The following ST6GALNAC3 variants were observed in gnomAD, a reference collection of about 807,000 sequenced individuals.
ST6GALNAC3 encodes the protein ST6 N-acetylgalactosaminide alpha-2,6-sialyltransferase 3.
ST6GALNAC3 carries 25 observed loss-of-function variants against 32.7 expected under a neutral mutation model. The ratio of observed to expected loss-of-function variants is 0.76; its 90% CI spans 0.56 to 1.07. ST6GALNAC3 has a LOEUF of 1.07. Ranked by LOEUF, ST6GALNAC3 falls within the 50% of genes least tolerant of loss-of-function variation. The pLI, the probability that ST6GALNAC3 is intolerant of heterozygous loss-of-function variation, is 0.00. For missense variants in ST6GALNAC3, 355 were observed against 382.4 expected (o/e 0.93, Z 0.60); for synonymous variants, 129 against 133.1 (o/e 0.97, Z 0.21).
At chr1:76,338,404 A>G (rs1289808127) in intron 2 of ST6GALNAC3, among the ~76,000 whole-genome samples, 1 of 152,206 alleles carries the variant, frequency 6.6e-6, no homozygotes, top group Non-Finnish European at 1.5e-5. Context: ...TAAATGACGA[A>G]CACATAAATG....
At chr1:76,403,043 C>A (rs1325297) in intron 2 of ST6GALNAC3, among the ~76,000 whole-genome samples, 3,921 of 150,964 alleles carry the variant, frequency 0.026, 96 homozygotes, top group African/African-American at 0.074. Context: ...GAAAGCAAAA[C>A]AAAATGAAAA....
chr1:76,108,575 A>G (rs1020658186), intron 1 of ST6GALNAC3, among the ~76,000 whole-genome samples: 2 of 152,214 alleles, frequency 1.3e-5, no homozygotes, highest in Admixed American at 1.3e-4. Flanking sequence ...AAGCTTTAAG[A>G]GATGGTTAAA....
chr1:76,606,780 G>C (rs942177584), intron 3 of ST6GALNAC3, among the ~76,000 whole-genome samples: 2 of 150,532 alleles, frequency 1.3e-5, no homozygotes, highest in Non-Finnish European at 3.0e-5. Flanking sequence ...TTCTAGGTGA[G>C]GTATTACTAA....
At chr1:76,229,643 C>T (rs17098418) in intron 1 of ST6GALNAC3, among the ~76,000 whole-genome samples, 6,641 of 152,208 alleles carry the variant, frequency 0.044, 410 homozygotes, top group African/African-American at 0.13. Context: ...TCCAGGAGCA[C>T]GTTTTAATTT....
intron 2 of ST6GALNAC3, among the ~76,000 whole-genome samples, chr1:76,323,721 G>A (rs544054611): frequency 6.6e-6 from 1 of 152,296 alleles, no homozygotes; most frequent in South Asian, 2.1e-4. Context: ...CTCTTTAAAT[G>A]TAGTCATAGA....
At chr1:76,314,114 G>A in intron 2 of ST6GALNAC3, 115 bp downstream of exon 2, 1 of 957,086 alleles carries the variant, frequency 1.0e-6, no homozygotes, top group Non-Finnish European at 1.5e-6. Context: ...CGGAGAGCTT[G>A]CTTGGGTCCC....
intron 1 of ST6GALNAC3, among the ~76,000 whole-genome samples, chr1:76,253,641 G>A (rs1426337612): frequency 3.3e-5 from 5 of 152,104 alleles, no homozygotes; most frequent in Non-Finnish European, 7.4e-5. Context: ...ATTGGAGCCT[G>A]CCCGCTATGG....
chr1:76,214,066 T>C (rs1292897910), intron 1 of ST6GALNAC3, among the ~76,000 whole-genome samples: 1 of 152,174 alleles, frequency 6.6e-6, no homozygotes, highest in African/African-American at 2.4e-5. Flanking sequence ...GGTTTTATTT[T>C]TTTTCTTCCC....
intron 1 of ST6GALNAC3, among the ~76,000 whole-genome samples, chr1:76,287,126 G>A (rs942813036): frequency 6.6e-6 from 1 of 152,174 alleles, no homozygotes; most frequent in Non-Finnish European, 1.5e-5. Flanking sequence ...TTCAAGGTTG[G>A]ATAAGCAGTA....
At chr1:76,207,005 T>C (rs17098357) in intron 1 of ST6GALNAC3, among the ~76,000 whole-genome samples, 1 of 152,278 alleles carries the variant, frequency 6.6e-6, no homozygotes, top group African/African-American at 2.4e-5. Context: ...TTCTTAAGAA[T>C]TCCCAAAGAA....
chr1:76,171,199 C>T (rs1304736336), intron 1 of ST6GALNAC3, among the ~76,000 whole-genome samples: 2 of 151,920 alleles, frequency 1.3e-5, no homozygotes, highest in Non-Finnish European at 2.9e-5. Context: ...TTACTTGCAA[C>T]TGACAGCTAC....
intron 2 of ST6GALNAC3, among the ~76,000 whole-genome samples, chr1:76,343,166 A>G (rs187983916): frequency 4.6e-5 from 7 of 152,188 alleles, no homozygotes; most frequent in African/African-American, 1.4e-4. Context: ...TGTCTAGCAG[A>G]GTATTTATTA....
intron 2 of ST6GALNAC3, among the ~76,000 whole-genome samples, chr1:76,406,852 C>T (rs1653871266): frequency 6.6e-6 from 1 of 151,814 alleles, no homozygotes; most frequent in Admixed American, 6.6e-5. Flanking sequence ...TTTATCTCAA[C>T]TTCCTCAACT....
At chr1:76,101,846 G>T (rs140340249) in intron 1 of ST6GALNAC3, among the ~76,000 whole-genome samples, 2 of 152,180 alleles carry the variant, frequency 1.3e-5, no homozygotes, top group Admixed American at 6.5e-5. Context: ...GAAAGAACAC[G>T]CTTTGAATGA....
At chr1:76,544,119 C>T (rs971956026) in intron 3 of ST6GALNAC3, among the ~76,000 whole-genome samples, 2 of 150,466 alleles carry the variant, frequency 1.3e-5, no homozygotes, top group African/African-American at 4.9e-5. Context: ...AATTGAGCTA[C>T]GTACTCTACA....
intron 1 of ST6GALNAC3, among the ~76,000 whole-genome samples, chr1:76,117,611 G>C (rs1267209329): frequency 6.6e-6 from 1 of 151,952 alleles, no homozygotes; most frequent in Admixed American, 6.5e-5. Flanking sequence ...CGCTGGACTA[G>C]CTCTGAGCCT....
intron 3 of ST6GALNAC3, among the ~76,000 whole-genome samples, chr1:76,446,022 A>G (rs1219512125): frequency 6.6e-6 from 1 of 152,210 alleles, no homozygotes; most frequent in Non-Finnish European, 1.5e-5. Flanking sequence ...CAGTCTTCCC[A>G]ATATAGCTTT....
At chr1:76,535,914 A>G (rs1447069359) in intron 3 of ST6GALNAC3, among the ~76,000 whole-genome samples, 1 of 152,094 alleles carries the variant, frequency 6.6e-6, no homozygotes, top group East Asian at 1.9e-4. Context: ...ACTTAACTAT[A>G]TTTGCTTCAC....
chr1:76,349,664 C>G (rs1648810706), intron 2 of ST6GALNAC3, among the ~76,000 whole-genome samples: 1 of 152,116 alleles, frequency 6.6e-6, no homozygotes, highest in Non-Finnish European at 1.5e-5. Context: ...TCTTATTTTA[C>G]TATTCTTTGA....
Sources: gnomAD v4.1 joint callset for allele counts (sites outside exome capture counted in the v4.1 genomes callset) on GRCh38, gnomAD v4.1.1 for gene constraint, MANE v1.5 for transcripts, NCBI Gene and HGNC (gene_info 2026-07-23, HGNC 2026-07-21) for gene names.